Variants in OSBPL10 observed in about 807,000 individuals in gnomAD.
The protein encoded by OSBPL10 is oxysterol-binding protein-related protein 10.
OSBPL10 carries 49 observed loss-of-function variants against 81.7 expected under a neutral mutation model. The observed-to-expected ratio is 0.60, with a 90% confidence interval of 0.48 to 0.76. The LOEUF (loss-of-function observed/expected upper bound fraction) is 0.76. Ranked by LOEUF, OSBPL10 falls within the 30% of genes least tolerant of loss-of-function variation. The pLI, the probability that OSBPL10 is intolerant of heterozygous loss-of-function variation, is 0.00. For synonymous variants in OSBPL10, 419 were observed against 383.6 expected (o/e 1.09, Z -1.08); for missense variants, 923 against 987.8 (o/e 0.93, Z 0.88).
rs536332923 is a variant in OSBPL10 at position 31,981,042 on chromosome 3, C to G, written c.138G>C (p.Ala46=). 3.5e-4 allele frequency: 515 copies of G among 1,477,502 alleles called. 2 individuals carry two copies. In the African/African-American group the frequency reaches 6.8e-3, roughly 20 times the overall value. The allele number at this position is 1,477,502 out of a possible 1,614,324, so 91.5% of individuals were successfully genotyped here. The change falls in exon 1 of 12, where the codon GCG becomes GCC. Residue 46 remains alanine (A), a synonymous_variant. Transcript: ENST00000396556. The surrounding 1 kb of genome is among the most constrained non-coding windows in gnomAD (Gnocchi z 4.5). Reference sequence around the variant, plus strand: ...GGCTTCCCCCGCCGCCGAGCCCGGCCGCCGCCGACCGGCTGGAGACCCCCC... The same window carrying G: ...GGCTTCCCCCGCCGCCGAGCCCGGCGGCCGCCGACCGGCTGGAGACCCCCC... ...AGRGVSSRSA[A]AGLGGGGSRS... is the part of the protein sequence containing the mutation.
At chr3:31,953,746 C>T (rs1697934068) in intron 1 of OSBPL10, among the ~76,000 whole-genome samples, 1 of 152,200 alleles carries the variant, frequency 6.6e-6, no homozygotes. Context: ...TTCTCCCTCT[C>T]AATCATGTCA....
intron 4 of OSBPL10, among the ~76,000 whole-genome samples, chr3:31,813,797 G>A (rs1391687984): frequency 2.0e-5 from 3 of 152,296 alleles, no homozygotes; most frequent in South Asian, 4.1e-4. Context: ...CTAAGCCCGG[G>A]TGTCCTCATC....
At chr3:32,044,008 G>A (rs749075164) in intron 2 of OSBPL10, among the ~76,000 whole-genome samples, 10 of 150,378 alleles carry the variant, frequency 6.6e-5, no homozygotes, top group Non-Finnish European at 1.2e-4. Context: ...ATTGGGTACT[G>A]TGCTCACTAC....
chr3:31,872,942 G>A (rs1701368324), intron 3 of OSBPL10, among the ~76,000 whole-genome samples: 1 of 152,144 alleles, frequency 6.6e-6, no homozygotes, highest in Non-Finnish European at 1.5e-5. Flanking sequence ...TTTTTTGTAA[G>A]TAACAGAAGT....
chr3:31,854,296 T>C (rs562899761), intron 3 of OSBPL10, among the ~76,000 whole-genome samples: 1 of 152,290 alleles, frequency 6.6e-6, no homozygotes, highest in Non-Finnish European at 1.5e-5. Flanking sequence ...CACAATACAC[T>C]GTGCGCCTCA....
chr3:31,872,114 C>T (rs1317279655), intron 3 of OSBPL10, among the ~76,000 whole-genome samples: 3 of 152,188 alleles, frequency 2.0e-5, no homozygotes, highest in African/African-American at 7.2e-5. Context: ...TCCCATACCC[C>T]GGTGACTCCA....
intron 1 of OSBPL10, among the ~76,000 whole-genome samples, chr3:31,939,477 T>C (rs980488688): frequency 6.6e-6 from 1 of 150,784 alleles, no homozygotes; most frequent in Non-Finnish European, 1.5e-5. Context: ...AACAAAAAAA[T>C]TCCCCTCAGA....
At chr3:31,733,505 TTG>T in intron 5 of OSBPL10, 94 bp from the exon 6 acceptor site, 1 of 1,488,492 alleles carries the variant, frequency 6.7e-7, no homozygotes, top group Non-Finnish European at 9.4e-7. Context: ...AGAGACCTAC[TTG>T]AAAAGGGCAT....
chr3:32,039,636 G>A (rs1259161025), intron 2 of OSBPL10, among the ~76,000 whole-genome samples: 1 of 151,818 alleles, frequency 6.6e-6, no homozygotes, highest in Non-Finnish European at 1.5e-5. Context: ...TCCAGCCTGG[G>A]TGACAGAGTG....
At chr3:32,041,290 A>T (rs1038398240) in intron 2 of OSBPL10, among the ~76,000 whole-genome samples, 2 of 152,224 alleles carry the variant, frequency 1.3e-5, no homozygotes, top group Non-Finnish European at 2.9e-5. Flanking sequence ...ATAGAAAAAC[A>T]AAGTGTCATT....
At chr3:31,856,806 T>A (rs372775287) in intron 3 of OSBPL10, among the ~76,000 whole-genome samples, 1 of 152,210 alleles carries the variant, frequency 6.6e-6, no homozygotes, top group African/African-American at 2.4e-5. Context: ...CCAGACACAG[T>A]GGCTCATGCC....
Position 31,965,149 on chromosome 3 carries a change from C to T in OSBPL10, c.281+15750G>A, listed in dbSNP as rs916167905. Reference sequence around the variant, plus strand: ...CTTTGGGAGGCCAAGGTGGGCGGATCACGAGGTCAGGAGATTGTGACCATC... The same window carrying T: ...CTTTGGGAGGCCAAGGTGGGCGGATTACGAGGTCAGGAGATTGTGACCATC... On this transcript the variant is annotated intron_variant, in intron 1 of 11. Coordinates refer to ENST00000396556, the MANE Select transcript of OSBPL10 (RefSeq NM_017784.5). Among the ~76,000 whole-genome samples, 7 of 151,718 alleles carry T rather than the reference C, an allele frequency of 4.6e-5. No individual in the cohort carries two copies. The South Asian group carries it at 1.2e-3, about 27-fold the overall frequency.
Position 31,766,681 on chromosome 3 carries a change from T to C in OSBPL10, c.730-18561A>G, listed in dbSNP as rs554028471. 1.2e-4 allele frequency among the ~76,000 whole-genome samples: 19 copies of C among 152,284 alleles called. No individual in the cohort carries two copies. In the South Asian group the frequency reaches 3.7e-3, roughly 30 times the overall value. On this transcript the variant is annotated intron_variant, in intron 4 of 11. Transcript: ENST00000396556. ...ATTCATGAGCTATAAGGATACATACTATTTACAAATACTTTTAAAACTCAC... is the reference window on the plus strand; with the variant it reads ...ATTCATGAGCTATAAGGATACATACCATTTACAAATACTTTTAAAACTCAC...
At chr3:31,909,512 A>G (rs576935965) in intron 1 of OSBPL10, among the ~76,000 whole-genome samples, 4 of 152,250 alleles carry the variant, frequency 2.6e-5, no homozygotes, top group African/African-American at 9.6e-5. Flanking sequence ...TTTAAAAAAA[A>G]AAAGAAAGAA....
intron 7 of OSBPL10, among the ~76,000 whole-genome samples, chr3:31,692,512 C>CAG (rs1301188395): frequency 4.3e-4 from 65 of 152,120 alleles, no homozygotes; most frequent in African/African-American, 1.5e-3. Flanking sequence ...TAAAATGACT[C>CAG]ACAATGCCCA....
intron 5 of OSBPL10, among the ~76,000 whole-genome samples, chr3:31,746,358 C>T (rs1229430516): frequency 6.6e-6 from 1 of 152,032 alleles, no homozygotes; most frequent in East Asian, 1.9e-4. Flanking sequence ...GGCCTCAACA[C>T]CACAGAAATA....
At chr3:31,849,231 GAA>G (rs1184362454) in intron 3 of OSBPL10, among the ~76,000 whole-genome samples, 1 of 152,198 alleles carries the variant, frequency 6.6e-6, no homozygotes, top group Non-Finnish European at 1.5e-5. Flanking sequence ...CAGATAAGAA[GAA>G]ATGTCCAGCA....
intron 2 of OSBPL10, among the ~76,000 whole-genome samples, chr3:32,031,460 TA>T (rs1294578879): frequency 1.3e-5 from 2 of 148,176 alleles, no homozygotes; most frequent in Non-Finnish European, 3.0e-5. Context: ...GCTTCTTAAA[TA>T]ATTTTTTTTT....
chr3:31,878,430 C>T (rs932519802), intron 2 of OSBPL10, among the ~76,000 whole-genome samples: 1 of 151,774 alleles, frequency 6.6e-6, no homozygotes, highest in African/African-American at 2.4e-5. Flanking sequence ...CTCAAGAGAA[C>T]ATGAATCTTA....
Sources: gnomAD v4.1 joint callset for allele counts (sites outside exome capture counted in the v4.1 genomes callset) on GRCh38, gnomAD v4.1.1 for gene constraint, Gnocchi (gnomAD v3.1) non-coding constraint, MANE v1.5 for transcripts, NCBI Gene and HGNC (gene_info 2026-07-23, HGNC 2026-07-21) for gene names.